Variants in SDK1 observed in about 807,000 individuals in gnomAD.
The protein encoded by SDK1 is protein sidekick-1.
A neutral mutation model predicts 245.5 loss-of-function variants in SDK1; 157 were observed. The observed-to-expected ratio is 0.64, with a 90% CI of 0.56 to 0.73. The LOEUF (loss-of-function observed/expected upper bound fraction) is 0.73, where lower values mean the gene tolerates loss of function less well. SDK1 is among the 30% of genes least tolerant of loss of function. The probability of loss-of-function intolerance (pLI) is 0.00; values close to 1 mark genes in which losing one functional copy is unlikely to be tolerated. For synonymous variants in SDK1, 1,647 were observed against 1,278.5 expected, an observed-to-expected ratio of 1.29 and a Z score of -6.15; for missense variants, 3,583 against 3,002.3, an observed-to-expected ratio of 1.19 and a Z score of -4.52.
chr7:3,818,416 A>C (rs1337942333), intron 4 of SDK1, among the ~76,000 whole-genome samples: 1 of 152,220 alleles, frequency 6.6e-6, no homozygotes, highest in East Asian at 1.9e-4. Context: ...AGTGATATTT[A>C]TTGTGGAAAA....
chr7:4,244,536 C>G (rs969033567), intron 43 of SDK1, among the ~76,000 whole-genome samples: 5 of 152,218 alleles, frequency 3.3e-5, no homozygotes, highest in African/African-American at 1.2e-4. Flanking sequence ...CAGATAGTCA[C>G]CAGGAAGTGG....
rs1426468974 is a variant in SDK1 at position 3,874,583 on chromosome 7, G to A, written c.847+53000G>A. On this transcript the variant is annotated intron_variant, in intron 5 of 44. Transcript: ENST00000404826. ...ATATATTCCCGCCTCCCTTCCAGGG[G>A]TAGAACTCCTTCTCCACCCCCGTTC... Among the ~76,000 whole-genome samples the A allele has an allele frequency of 3.3e-5, 5 of 152,126 alleles. No individual in the cohort carries two copies. In the East Asian group the frequency reaches 7.7e-4, roughly 24 times the overall value.
chr7:3,514,227 A>T (rs1244339873), intron 1 of SDK1, among the ~76,000 whole-genome samples: 1 of 152,132 alleles, frequency 6.6e-6, no homozygotes, highest in Non-Finnish European at 1.5e-5. Flanking sequence ...TGTATAGGAG[A>T]TTTACAATGG....
intron 4 of SDK1, among the ~76,000 whole-genome samples, chr7:3,699,793 A>G (rs779303204): frequency 2.0e-5 from 3 of 152,254 alleles, no homozygotes; most frequent in Admixed American, 6.5e-5. Flanking sequence ...AGAATTGTTC[A>G]AAGAAATAAT....
intron 35 of SDK1, among the ~76,000 whole-genome samples, chr7:4,194,848 A>T (rs1020548141): frequency 6.6e-6 from 1 of 152,204 alleles, no homozygotes; most frequent in African/African-American, 2.4e-5. Context: ...CTTCAATCCA[A>T]TCAAGTTGAC....
At chr7:3,955,397 A>G (rs1030591443) in intron 7 of SDK1, among the ~76,000 whole-genome samples, 5 of 152,198 alleles carry the variant, frequency 3.3e-5, no homozygotes, top group Admixed American at 6.5e-5. Flanking sequence ...TTAGGGGCTC[A>G]CATGATTAAA....
chr7:4,014,915 C>T (rs1221691553), intron 16 of SDK1, among the ~76,000 whole-genome samples: 2 of 152,100 alleles, frequency 1.3e-5, no homozygotes, highest in East Asian at 1.9e-4. Flanking sequence ...CGGAGGGGAG[C>T]GCAGGCTCTT....
chr7:4,122,929 A>G (rs1185698823), intron 25 of SDK1, among the ~76,000 whole-genome samples: 3 of 152,090 alleles, frequency 2.0e-5, no homozygotes, highest in Non-Finnish European at 2.9e-5. Flanking sequence ...TCCATCCTGA[A>G]CTCTGCCATT....
At position 4,221,336 on chromosome 7, in the gene SDK1, G is replaced by A. The variant is rs1456324010; in HGVS notation, c.5799G>A (p.Thr1933=). ...TEGHSGDTPT[T]GYVIEARPSD... ...GACACTCTGGCGACACACCTACCAC[G>A]GGCTATGTGATCGAGGCCCGGCCCT... The change falls in exon 40 of 45, where the codon ACG becomes ACA. Residue 1933 remains threonine, a synonymous_variant. Coordinates refer to ENST00000404826, the MANE Select transcript of SDK1 (RefSeq NM_152744.4). The A allele has an allele frequency of 1.4e-5, 23 of 1,612,144 alleles. No homozygotes were observed. Among genetic ancestry groups the A allele is most frequent in the East Asian group, 4.5e-5 (2 of 44,792 alleles).
At chr7:4,156,248 C>T (rs1330542584) in intron 30 of SDK1, among the ~76,000 whole-genome samples, 1 of 152,074 alleles carries the variant, frequency 6.6e-6, no homozygotes, top group African/African-American at 2.4e-5. Context: ...GGGGAGGAGG[C>T]AGGGAGGTCG....
intron 1 of SDK1, among the ~76,000 whole-genome samples, chr7:3,515,919 T>C (rs1339540435): frequency 2.0e-5 from 3 of 152,132 alleles, no homozygotes; most frequent in African/African-American, 7.2e-5. Context: ...TTAGCTGAAA[T>C]TTTTCGTTTT....
rs547908400 is a variant in SDK1, at chr7:3,767,330, G to T, written c.714-54120G>T. Among the ~76,000 whole-genome samples, 6 of 152,100 alleles carry T rather than the reference G, an allele frequency of 3.9e-5. No homozygotes were observed. In the East Asian group the frequency reaches 7.7e-4, roughly 20 times the overall value. ...AGAAAGTTTGAAATTGTGTCTAAGG[G>T]GATTGAGCAAAGCAGCCTGGGAATG... On this transcript the variant is annotated intron_variant, in intron 4 of 44. Transcript: ENST00000404826.
intron 30 of SDK1, among the ~76,000 whole-genome samples, chr7:4,152,743 T>G (rs757271819): frequency 3.3e-5 from 5 of 152,238 alleles, no homozygotes; most frequent in Admixed American, 1.3e-4. Context: ...CCCTTCCTGT[T>G]TAATAATCCT....
rs549254252 is a variant in SDK1 at position 3,596,221 on chromosome 7, G to C, written c.299-22859G>C. Among the ~76,000 whole-genome samples, 16 of 152,148 alleles carry C rather than the reference G, an allele frequency of 1.1e-4. No individual in the cohort carries two copies. The South Asian group carries it at 2.3e-3, about 22-fold the overall frequency. ...AGTAACAGAAGCTGTCATCTTGCTGGCTCTTCCATCTGGCTGGGTTGCATG... is the reference window on the plus strand; with the variant it reads ...AGTAACAGAAGCTGTCATCTTGCTGCCTCTTCCATCTGGCTGGGTTGCATG... On this transcript the variant is annotated intron_variant, in intron 1 of 44. Transcript: ENST00000404826.
chr7:3,992,528 G>A (rs1170575213), intron 14 of SDK1, among the ~76,000 whole-genome samples: 2 of 152,216 alleles, frequency 1.3e-5, no homozygotes, highest in African/African-American at 4.8e-5. Flanking sequence ...AGAGTGCAGG[G>A]ATTCTTGATG....
chr7:3,826,577 T>A (rs149407255), intron 5 of SDK1, among the ~76,000 whole-genome samples: 4 of 152,324 alleles, frequency 2.6e-5, no homozygotes, highest in African/African-American at 7.2e-5. Flanking sequence ...TTGTCCACTT[T>A]GTGAGAGTTA....
intron 1 of SDK1, among the ~76,000 whole-genome samples, chr7:3,306,514 G>A (rs1779420970): frequency 6.6e-6 from 1 of 152,168 alleles, no homozygotes; most frequent in Non-Finnish European, 1.5e-5. Context: ...AGTTTGTAAG[G>A]TACTGATCTT....
chr7:3,362,950 C>T (rs967606895), intron 1 of SDK1, among the ~76,000 whole-genome samples: 15 of 152,252 alleles, frequency 9.9e-5, no homozygotes, highest in East Asian at 1.9e-4. Context: ...GATTCACAAG[C>T]GGTTATAAGA....
chr7:3,563,317 A>T (rs1395667969), intron 1 of SDK1, among the ~76,000 whole-genome samples: 1 of 152,230 alleles, frequency 6.6e-6, no homozygotes, highest in Non-Finnish European at 1.5e-5. Context: ...CATCGTAAAG[A>T]TGTATTCTCA....
Sources: allele counts gnomAD v4.1 joint callset (sites outside exome capture counted in the v4.1 genomes callset), GRCh38; gene constraint gnomAD v4.1.1; transcripts MANE v1.5; gene names NCBI Gene and HGNC (gene_info 2026-07-23, HGNC 2026-07-21).